CDH18: variants seen among roughly 807,000 people sequenced by gnomAD.
The protein encoded by CDH18 is cadherin 18.
CDH18 carries 31 observed loss-of-function variants against 67.9 expected under a neutral mutation model. That is an observed-to-expected ratio of 0.46 (90% CI 0.34 to 0.62). The LOEUF (loss-of-function observed/expected upper bound fraction) is 0.62, where lower values mean the gene tolerates loss of function less well. CDH18 is among the 20% of genes least tolerant of loss of function. The pLI, the probability that CDH18 is intolerant of heterozygous loss-of-function variation, is 0.01. For missense variants in CDH18, 890 were observed against 975.5 expected (o/e 0.91, Z 1.17); for synonymous variants, 362 against 347.2 (o/e 1.04, Z -0.48).
intron 5 of CDH18, among the ~76,000 whole-genome samples, chr5:19,659,292 C>T (rs555455602): frequency 1.3e-5 from 2 of 152,134 alleles, no homozygotes; most frequent in South Asian, 2.1e-4. Flanking sequence ...TGTTAAATTA[C>T]GTTCAATTAA....
At chr5:20,408,239 C>A (rs1000755929) in intron 1 of CDH18, among the ~76,000 whole-genome samples, 3 of 152,012 alleles carry the variant, frequency 2.0e-5, no homozygotes, top group African/African-American at 7.2e-5. Context: ...ACTAGACTTA[C>A]CTTACAGGAA....
At chr5:20,245,535 G>A (rs1391321066) in intron 2 of CDH18, among the ~76,000 whole-genome samples, 1 of 152,034 alleles carries the variant, frequency 6.6e-6, no homozygotes, top group Non-Finnish European at 1.5e-5. Context: ...CTTCTCTGAA[G>A]AAATCAGAAA....
At chr5:20,526,812 C>A (rs933755498) in intron 1 of CDH18, among the ~76,000 whole-genome samples, 1 of 152,040 alleles carries the variant, frequency 6.6e-6, no homozygotes, top group Non-Finnish European at 1.5e-5. Flanking sequence ...AAAAACAAAA[C>A]GCAAAAAGCA....
intron 1 of CDH18, among the ~76,000 whole-genome samples, chr5:20,489,802 T>C (rs1753474654): frequency 6.6e-6 from 1 of 151,942 alleles, no homozygotes; most frequent in Non-Finnish European, 1.5e-5. Context: ...AAATGAAATA[T>C]AAAATAACCA....
intron 1 of CDH18, among the ~76,000 whole-genome samples, chr5:20,511,957 G>A (rs1025642883): frequency 1.2e-4 from 19 of 152,112 alleles, no homozygotes; most frequent in Non-Finnish European, 2.5e-4. Flanking sequence ...GGCTGGGTGT[G>A]GTGGCTCACG....
At chr5:19,873,128 A>G (rs1254026693) in intron 2 of CDH18, among the ~76,000 whole-genome samples, 1 of 151,690 alleles carries the variant, frequency 6.6e-6, no homozygotes, top group African/African-American at 2.4e-5. Context: ...GTACCATGGT[A>G]CCTTGTGGGA....
intron 3 of CDH18, among the ~76,000 whole-genome samples, chr5:19,815,636 G>A (rs1024950653): frequency 1.3e-5 from 2 of 152,004 alleles, no homozygotes; most frequent in Non-Finnish European, 2.9e-5. Context: ...GATGATGAGA[G>A]ACGTATTTTA....
At chr5:20,296,142 G>A (rs935709028) in intron 1 of CDH18, among the ~76,000 whole-genome samples, 29 of 151,640 alleles carry the variant, frequency 1.9e-4, no homozygotes, top group Non-Finnish European at 4.0e-4. Context: ...CCAAAGTGCT[G>A]GGATTGCAGG....
intron 2 of CDH18, among the ~76,000 whole-genome samples, chr5:19,870,738 ATGG>A (rs919934615): frequency 3.1e-4 from 47 of 152,272 alleles, no homozygotes; most frequent in Middle Eastern, 6.8e-3. Flanking sequence ...GTGAATGCAG[ATGG>A]TGGAGATTAG....
At chr5:20,193,113 T>C (rs941801691) in intron 2 of CDH18, among the ~76,000 whole-genome samples, 3 of 152,228 alleles carry the variant, frequency 2.0e-5, no homozygotes, top group African/African-American at 7.2e-5. Flanking sequence ...TTTGTAGCAA[T>C]TGTGAATGGG....
At chr5:20,365,850 TTTACAAGTGAG>T (rs1435341340) in intron 1 of CDH18, among the ~76,000 whole-genome samples, 2 of 152,194 alleles carry the variant, frequency 1.3e-5, no homozygotes, top group African/African-American at 4.8e-5. Context: ...TTCCATCTTA[TTTACAAGTGAG>T]TTTCTTTTTC....
chr5:20,481,194 C>T (rs1274157979), intron 1 of CDH18, among the ~76,000 whole-genome samples: 1 of 143,842 alleles, frequency 7.0e-6, no homozygotes, highest in African/African-American at 2.7e-5. Context: ...CTAATTCAGA[C>T]AACTTTTTAA....
chr5:20,125,323 A>AGT (rs554851678), intron 2 of CDH18, among the ~76,000 whole-genome samples: 40 of 151,282 alleles, frequency 2.6e-4, no homozygotes, highest in Non-Finnish European at 5.2e-4. Flanking sequence ...TGTGTGGATG[A>AGT]GTGTGTGTGT....
intron 2 of CDH18, among the ~76,000 whole-genome samples, chr5:20,032,677 C>T (rs933788677): frequency 2.0e-5 from 3 of 151,846 alleles, no homozygotes; most frequent in Admixed American, 2.0e-4. Flanking sequence ...AGAAGCCAAG[C>T]ACACAGTAAA....
chr5:19,705,732 G>A (rs193208534), intron 5 of CDH18, among the ~76,000 whole-genome samples: 145 of 152,148 alleles, frequency 9.5e-4, no homozygotes, highest in African/African-American at 3.0e-3. Context: ...GGGAGAACTC[G>A]GATTGTTAAA....
At chr5:19,857,579 A>C (rs1485138181) in intron 2 of CDH18, among the ~76,000 whole-genome samples, 1 of 152,156 alleles carries the variant, frequency 6.6e-6, no homozygotes, top group South Asian at 2.1e-4. Context: ...AAAAAATATA[A>C]ATCAGACTAG....
chr5:20,236,660 C>A (rs865900734), intron 2 of CDH18, among the ~76,000 whole-genome samples: 4 of 151,972 alleles, frequency 2.6e-5, no homozygotes, highest in South Asian at 4.1e-4. Context: ...AGGAATTTAA[C>A]GTCCCAATAT....
chr5:20,180,243 C>A (rs140556443), intron 2 of CDH18, among the ~76,000 whole-genome samples: 1 of 152,012 alleles, frequency 6.6e-6, no homozygotes, highest in African/African-American at 2.4e-5. Context: ...GGACTCATGG[C>A]GGGGGCACCT....
chr5:19,784,081 C>A lies in CDH18; in HGVS notation c.229-36845G>T, dbSNP rs1213974888. ...TCTTCATTCCATAATTCATTTAATACATTTTAGTTATATGCCATGTGCAAA... is the reference window on the plus strand; with the variant it reads ...TCTTCATTCCATAATTCATTTAATAAATTTTAGTTATATGCCATGTGCAAA... On this transcript the variant is annotated intron_variant, in intron 3 of 12. Coordinates refer to ENST00000382275, the MANE Select transcript of CDH18 (RefSeq NM_004934.5). 5.9e-5 allele frequency among the ~76,000 whole-genome samples: 9 copies of A among 152,046 alleles called. 1 individual carries two copies. Among genetic ancestry groups the A allele is most frequent in the Non-Finnish European group, 1.2e-4 (8 of 67,990 alleles).
Sources: gnomAD v4.1 joint callset for allele counts (sites outside exome capture counted in the v4.1 genomes callset) on GRCh38, gnomAD v4.1.1 for gene constraint, MANE v1.5 for transcripts, NCBI Gene and HGNC (gene_info 2026-07-23, HGNC 2026-07-21) for gene names.